The following SPATS2 variants were observed in gnomAD, a reference collection of about 807,000 sequenced individuals.
SPATS2 encodes spermatogenesis associated serine rich 2, also known as spermatogenesis-associated serine-rich protein 2.
Under a neutral mutation model 63.7 loss-of-function variants are expected in SPATS2, and 38 were observed. The ratio of observed to expected loss-of-function variants is 0.60; its 90% CI spans 0.46 to 0.78. The LOEUF (loss-of-function observed/expected upper bound fraction) is 0.78, where lower values mean the gene tolerates loss of function less well. Among genes scored for constraint, SPATS2 ranks in the 30% least tolerant of loss-of-function variants. The probability of loss-of-function intolerance (pLI) is 0.00; values close to 1 mark genes in which losing one functional copy is unlikely to be tolerated. For synonymous variants in SPATS2, 207 were observed against 232.9 expected, an observed-to-expected ratio of 0.89 and a Z score of 1.01; for missense variants, 588 against 666.2, an observed-to-expected ratio of 0.88 and a Z score of 1.29.
At chr12:49,428,290 A>C (rs926636270) in intron 2 of SPATS2, among the ~76,000 whole-genome samples, 1 of 152,082 alleles carries the variant, frequency 6.6e-6, no homozygotes, top group South Asian at 2.1e-4. Flanking sequence ...AAAAAACAAA[A>C]ATTCAGTAGA....
chr12:49,467,175 G>A (rs1045340758), intron 3 of SPATS2, among the ~76,000 whole-genome samples: 30 of 143,570 alleles, frequency 2.1e-4, no homozygotes, highest in Admixed American at 2.8e-4. Flanking sequence ...TCAACCTCCC[G>A]ATAGCTGGGA....
At chr12:49,398,764 C>T (rs1160959545) in intron 2 of SPATS2, among the ~76,000 whole-genome samples, 1 of 152,124 alleles carries the variant, frequency 6.6e-6, no homozygotes, top group Non-Finnish European at 1.5e-5. Flanking sequence ...TCCCACCAAC[C>T]CCCATGTTTT....
chr12:49,523,844 C>T (rs1037380270), intron 12 of SPATS2, among the ~76,000 whole-genome samples: 17 of 151,576 alleles, frequency 1.1e-4, no homozygotes, highest in Admixed American at 9.2e-4. Flanking sequence ...CCCAGCTAAT[C>T]GGGAGGCTGA....
At chr12:49,469,339 G>A (rs753990365) in intron 3 of SPATS2, among the ~76,000 whole-genome samples, 5 of 127,724 alleles carry the variant, frequency 3.9e-5, no homozygotes, top group Admixed American at 9.1e-5. Flanking sequence ...GCAGTGAGCC[G>A]AAATTGCGCC....
intron 2 of SPATS2, among the ~76,000 whole-genome samples, chr12:49,424,807 G>A (rs1305732333): frequency 6.6e-6 from 1 of 152,080 alleles, no homozygotes; most frequent in Non-Finnish European, 1.5e-5. Context: ...AGCCTCCCAA[G>A]TAGCTGGGAT....
intron 2 of SPATS2, among the ~76,000 whole-genome samples, chr12:49,417,758 A>G (rs1010954436): frequency 6.6e-6 from 1 of 152,262 alleles, no homozygotes; most frequent in Non-Finnish European, 1.5e-5. Flanking sequence ...GCTGTCTGCC[A>G]TATTACAACA....
At chr12:49,499,645 T>C (rs1342583718) in intron 8 of SPATS2, among the ~76,000 whole-genome samples, 2 of 152,136 alleles carry the variant, frequency 1.3e-5, no homozygotes, top group Non-Finnish European at 2.9e-5. Context: ...TTCCCAACTT[T>C]GTCCCTTCAA....
At chr12:49,511,622 C>T (rs1946754852) in intron 9 of SPATS2, among the ~76,000 whole-genome samples, 7 of 152,138 alleles carry the variant, frequency 4.6e-5, no homozygotes, top group Admixed American at 4.6e-4. Flanking sequence ...GCTTGCCTTT[C>T]TGGCATCTAA....
intron 2 of SPATS2, among the ~76,000 whole-genome samples, chr12:49,422,866 C>T (rs1018106212): frequency 9.2e-5 from 14 of 151,686 alleles, no homozygotes; most frequent in Admixed American, 7.2e-4. Context: ...GAGCCAAGAC[C>T]GTGCCACAGC....
At chr12:49,498,145 A>AAAAAAAAATAT (rs66900382) in intron 8 of SPATS2, among the ~76,000 whole-genome samples, 30 of 98,976 alleles carry the variant, frequency 3.0e-4, no homozygotes, top group Non-Finnish European at 3.2e-4. Context: ...AAAAAAAAAA[A>AAAAAAAAATAT]ATATATATAT....
chr12:49,516,166 AATATAT>A (rs869230532), intron 10 of SPATS2, among the ~76,000 whole-genome samples: 904 of 30,606 alleles, frequency 0.03, 33 homozygotes, highest in African/African-American at 0.031. Context: ...AAAAAAAAAA[AATATAT>A]ATATATATAT....
rs118057846 is a variant in SPATS2, at chr12:49,433,620, A to G, written c.-243-27150A>G. Among the ~76,000 whole-genome samples, 165 of 151,740 alleles carry G rather than the reference A, an allele frequency of 1.1e-3. 2 individuals are homozygous for G. In the East Asian group the frequency reaches 0.029, roughly 27 times the overall value. ...AAATGCCTGTTTAACTCCTTTGCCT[A>G]TTGTACAGTTGGGTTTTTGTTGTTG... On this transcript the variant is annotated intron_variant, in intron 2 of 13. Transcript: ENST00000552918.
rs79661916 is a variant in SPATS2 at position 49,383,854 on chromosome 12, T to C, written c.-244+12564T>C. Among the ~76,000 whole-genome samples the C allele has an allele frequency of 9.6e-4, 146 of 152,342 alleles. 1 individual carries two copies. In the East Asian group the frequency reaches 0.016, roughly 16 times the overall value. On this transcript the variant is annotated intron_variant, in intron 2 of 13. Transcript: ENST00000552918. ...TTCTTGTCGGGCATGTGTGAATCTC[T>C]AGGTTGCTAGAAGTGAATTGCTAGG...
chr12:49,441,688 G>A (rs531072083), intron 2 of SPATS2: 1 of 152,070 alleles, frequency 6.6e-6, no homozygotes. Flanking sequence ...CGTATGTACC[G>A]AAAATCTAAA....
At chr12:49,422,358 C>T (rs75476083) in intron 2 of SPATS2, among the ~76,000 whole-genome samples, 2,563 of 152,210 alleles carry the variant, frequency 0.017, 63 homozygotes, top group African/African-American at 0.058. Context: ...ACATAGTAGG[C>T]AGTAAATGTT....
chr12:49,384,934 C>T (rs1373800997), intron 2 of SPATS2, among the ~76,000 whole-genome samples: 3 of 152,032 alleles, frequency 2.0e-5, no homozygotes, highest in African/African-American at 2.4e-5. Flanking sequence ...CTCATCCTCC[C>T]GAGTAGCTGG....
chr12:49,518,596 T>C (rs953503132), intron 10 of SPATS2, among the ~76,000 whole-genome samples: 3 of 152,194 alleles, frequency 2.0e-5, no homozygotes, highest in African/African-American at 4.8e-5. Flanking sequence ...TACTTCCATT[T>C]GTGAGAAGGG....
intron 2 of SPATS2, among the ~76,000 whole-genome samples, chr12:49,388,354 A>G (rs758035239): frequency 6.6e-6 from 1 of 151,456 alleles, no homozygotes; most frequent in Non-Finnish European, 1.5e-5. Context: ...TTGTTTTTTG[A>G]ACCCTACTTT....
Position 49,468,463 on chromosome 12 carries a change from T to TTTTTTG in SPATS2, c.25+7450_25+7455dup, listed in dbSNP as rs201223481. Among the ~76,000 whole-genome samples, 74 of 146,610 alleles carry TTTTTTG rather than the reference T, an allele frequency of 5.0e-4. No homozygotes were observed. In the South Asian group the frequency reaches 0.011, roughly 23 times the overall value. ...GCGTGAACCACTGTGCCCGGCCTTT[T>TTTTTTG]TTTTTGTTTTTGTTTTTGTTTTTGT... On this transcript the variant is annotated intron_variant, in intron 3 of 13. Coordinates refer to ENST00000552918, the MANE Select transcript of SPATS2 (RefSeq NM_023071.4).
Sources: allele counts gnomAD v4.1 joint callset (sites outside exome capture counted in the v4.1 genomes callset), GRCh38; gene constraint gnomAD v4.1.1; transcripts MANE v1.5; gene names NCBI Gene and HGNC (gene_info 2026-07-23, HGNC 2026-07-21).